Variants in ZDHHC14 observed in about 807,000 individuals in gnomAD.
ZDHHC14 encodes the protein zDHHC palmitoyltransferase 14.
Under a neutral mutation model 47.7 loss-of-function variants are expected in ZDHHC14, and 16 were observed. That is an observed-to-expected ratio of 0.34 (90% CI 0.23 to 0.51). The LOEUF (loss-of-function observed/expected upper bound fraction) is 0.51. Among genes scored for constraint, ZDHHC14 ranks in the 20% least tolerant of loss-of-function variants. ZDHHC14 has a pLI of 0.97. For missense variants in ZDHHC14, 515 were observed against 662.5 expected, an observed-to-expected ratio of 0.78 and a Z score of 2.44; for synonymous variants, 293 against 278.9, an observed-to-expected ratio of 1.05 and a Z score of -0.50.
intron 2 of ZDHHC14, among the ~76,000 whole-genome samples, chr6:157,568,906 G>T (rs1331312069): frequency 3.9e-5 from 6 of 152,044 alleles, no homozygotes; most frequent in Non-Finnish European, 7.4e-5. Context: ...TGTGTGAGTT[G>T]CCTGTTCATC....
At chr6:157,532,963 T>C (rs1488575471) in intron 1 of ZDHHC14, among the ~76,000 whole-genome samples, 2 of 152,194 alleles carry the variant, frequency 1.3e-5, no homozygotes, top group African/African-American at 4.8e-5. Flanking sequence ...ATTTCTCTAC[T>C]ACAAAAATAA....
At chr6:157,585,683 A>G (rs543623611) in intron 2 of ZDHHC14, among the ~76,000 whole-genome samples, 9 of 152,356 alleles carry the variant, frequency 5.9e-5, no homozygotes, top group Non-Finnish European at 1.0e-4. Flanking sequence ...GGGCCTAGGC[A>G]GCTGTTGGAT....
intron 1 of ZDHHC14, among the ~76,000 whole-genome samples, chr6:157,396,211 C>T (rs1195064064): frequency 6.6e-6 from 1 of 152,070 alleles, no homozygotes; most frequent in Non-Finnish European, 1.5e-5. Flanking sequence ...TGTTGACATA[C>T]CGAGGCCTTT....
rs375420655 is a variant in ZDHHC14, at chr6:157,522,965, CTTTTCTTTTCTTTTCTTTTTCT to C, written c.246-19616_246-19595del. On this transcript the variant is annotated intron_variant, in intron 1 of 8. Coordinates refer to ENST00000359775, the MANE Select transcript of ZDHHC14 (RefSeq NM_024630.3). ...TCTTTCCTTCCTTCCTTCCTTCTTT[CTTTTCTTTTCTTTTCTTTTTCT>C]TTTCTTTTCTTTTCTTTTCTTTTTC... Among the ~76,000 whole-genome samples the C allele has an allele frequency of 3.5e-3, 95 of 27,138 alleles. 3 individuals are homozygous for C. The highest frequency in any genetic ancestry group is 0.013 in the African/African-American group (71 of 5,596). 17.8% of individuals were successfully genotyped at this position (27,138 alleles called of 152,430 possible). A position where few individuals can be genotyped will look rare whatever the true frequency, so the allele number is the denominator to read the frequency against.
intron 5 of ZDHHC14, among the ~76,000 whole-genome samples, chr6:157,643,461 A>C (rs894457868): frequency 4.0e-5 from 6 of 151,692 alleles, no homozygotes; most frequent in African/African-American, 1.5e-4. Flanking sequence ...CAGCCTGGCC[A>C]ACATGGTGAA....
intron 1 of ZDHHC14, among the ~76,000 whole-genome samples, chr6:157,461,298 CAA>C (rs1411810973): frequency 6.6e-6 from 1 of 152,178 alleles, no homozygotes; most frequent in Admixed American, 6.5e-5. Context: ...CATCTGTGGG[CAA>C]AGTCTCGTGC....
chr6:157,592,674 C>A (rs556939551), intron 2 of ZDHHC14: 1 of 1,017,822 alleles, frequency 9.8e-7, no homozygotes, highest in Non-Finnish European at 1.2e-6. Context: ...CCTCTCCTGC[C>A]GCCTACAGGG....
chr6:157,587,982 C>T (rs1481988311), intron 2 of ZDHHC14, among the ~76,000 whole-genome samples: 1 of 152,140 alleles, frequency 6.6e-6, no homozygotes, highest in Non-Finnish European at 1.5e-5. Context: ...AGGCTGGGTA[C>T]TGTGACTCAT....
chr6:157,609,434 G>T (rs1035537969), intron 3 of ZDHHC14, among the ~76,000 whole-genome samples: 1 of 152,210 alleles, frequency 6.6e-6, no homozygotes, highest in Non-Finnish European at 1.5e-5. Context: ...GAACAGCTGA[G>T]GATGATTGCC....
chr6:157,388,266 A>C (rs944342921), intron 1 of ZDHHC14, among the ~76,000 whole-genome samples: 5 of 152,182 alleles, frequency 3.3e-5, no homozygotes, highest in African/African-American at 1.2e-4. Flanking sequence ...CACATGTTTT[A>C]TTGTGTTCCC....
intron 3 of ZDHHC14, among the ~76,000 whole-genome samples, chr6:157,606,420 C>G (rs868351510): frequency 6.6e-6 from 1 of 152,024 alleles, no homozygotes; most frequent in South Asian, 2.1e-4. Flanking sequence ...GAGCAGAGAT[C>G]GCGCCACTGC....
chr6:157,468,279 G>T (rs757462601), intron 1 of ZDHHC14, among the ~76,000 whole-genome samples: 3 of 152,180 alleles, frequency 2.0e-5, no homozygotes, highest in Admixed American at 2.0e-4. Flanking sequence ...TGTCCAGTGT[G>T]CACTAAAGTG....
intron 1 of ZDHHC14, among the ~76,000 whole-genome samples, chr6:157,453,019 G>A (rs952267671): frequency 1.2e-4 from 19 of 152,096 alleles, no homozygotes; most frequent in Admixed American, 1.0e-3. Flanking sequence ...CCAGAGAAGA[G>A]TAATAAGCAC....
intron 3 of ZDHHC14, among the ~76,000 whole-genome samples, chr6:157,597,616 G>A (rs1434356915): frequency 6.6e-6 from 1 of 152,256 alleles, no homozygotes; most frequent in Non-Finnish European, 1.5e-5. Flanking sequence ...TAGTCTAGAG[G>A]TTCAGAGGTG....
At chr6:157,448,101 A>C (rs1778723298) in intron 1 of ZDHHC14, among the ~76,000 whole-genome samples, 1 of 151,706 alleles carries the variant, frequency 6.6e-6, no homozygotes, top group African/African-American at 2.4e-5. Context: ...TTACTTTTGA[A>C]CTCCTGGCCT....
At chr6:157,408,872 G>A (rs1243478061) in intron 1 of ZDHHC14, among the ~76,000 whole-genome samples, 1 of 152,138 alleles carries the variant, frequency 6.6e-6, no homozygotes, top group Non-Finnish European at 1.5e-5. Context: ...GATCTTTGAA[G>A]AATTGCCACA....
At chr6:157,382,451 C>T (rs1162060640) in intron 1 of ZDHHC14, among the ~76,000 whole-genome samples, 185 bp downstream of exon 1, 1 of 152,176 alleles carries the variant, frequency 6.6e-6, no homozygotes, top group African/African-American at 2.4e-5. Context: ...GAAAGAACGC[C>T]GTTCTGGGCT....
chr6:157,396,933 T>C lies in ZDHHC14; in HGVS notation c.245+14667T>C, dbSNP rs192355957. On this transcript the variant is annotated intron_variant, in intron 1 of 8. Coordinates refer to ENST00000359775, the MANE Select transcript of ZDHHC14 (RefSeq NM_024630.3). ...AACTACTAACATTCTATTTTTTAAT[T>C]TAGAAGTTGAAGTGGCAATGAAGTA... Among the ~76,000 whole-genome samples the C allele has an allele frequency of 1.4e-4, 21 of 152,368 alleles. No homozygotes were observed. The East Asian group carries it at 4.0e-3, about 29-fold the overall frequency.
At chr6:157,511,759 C>T (rs1053902815) in intron 1 of ZDHHC14, among the ~76,000 whole-genome samples, 1 of 152,080 alleles carries the variant, frequency 6.6e-6, no homozygotes, top group Admixed American at 6.6e-5. Context: ...TTAATTTCCA[C>T]GTTTGCCTAA....
Sources: allele counts gnomAD v4.1 joint callset (sites outside exome capture counted in the v4.1 genomes callset), GRCh38; gene constraint gnomAD v4.1.1; transcripts MANE v1.5; gene names NCBI Gene and HGNC (gene_info 2026-07-23, HGNC 2026-07-21).